The following RNLS variants were observed in gnomAD, a reference collection of about 807,000 sequenced individuals.
RNLS encodes the protein renalase, FAD dependent amine oxidase, also known as renalase.
Under a neutral mutation model 39.8 loss-of-function variants are expected in RNLS, and 39 were observed. That is an observed-to-expected ratio of 0.98 (90% CI 0.76 to 1.28). The LOEUF is 1.28. Ranked by LOEUF, RNLS falls within the 50% of genes most tolerant of loss-of-function variation. The probability of loss-of-function intolerance (pLI) is 0.00; values close to 1 mark genes in which losing one functional copy is unlikely to be tolerated. For synonymous variants in RNLS, 147 were observed against 150.7 expected, an observed-to-expected ratio of 0.98 and a Z score of 0.18; for missense variants, 410 against 413.3, an observed-to-expected ratio of 0.99 and a Z score of 0.07.
chr10:88,277,338 G>T (rs936715383), intron 6 of RNLS, among the ~76,000 whole-genome samples: 1 of 152,062 alleles, frequency 6.6e-6, no homozygotes, highest in Non-Finnish European at 1.5e-5. Context: ...GGAGGTGGGG[G>T]GTTGGGGGAG....
intron 4 of RNLS, among the ~76,000 whole-genome samples, chr10:88,463,220 G>A (rs917314741): frequency 6.6e-6 from 1 of 152,038 alleles, no homozygotes. Context: ...TCATACTAGA[G>A]TAAGGTGTGC....
At chr10:88,385,567 C>G (rs1350162339) in intron 4 of RNLS, among the ~76,000 whole-genome samples, 1 of 152,162 alleles carries the variant, frequency 6.6e-6, no homozygotes, top group Non-Finnish European at 1.5e-5. Context: ...GCAAAAGCAT[C>G]AAGGAAAAGG....
chr10:88,579,485 C>T (rs1013492220), intron 3 of RNLS, among the ~76,000 whole-genome samples: 7 of 152,062 alleles, frequency 4.6e-5, no homozygotes, highest in African/African-American at 1.7e-4. Context: ...GGGATGAATG[C>T]AAGGCCAGAG....
At chr10:88,567,862 C>A (rs1223082104) in intron 4 of RNLS, among the ~76,000 whole-genome samples, 2 of 152,132 alleles carry the variant, frequency 1.3e-5, no homozygotes, top group African/African-American at 2.4e-5. Context: ...ATATTTATTA[C>A]CAGTTTTCTT....
intron 4 of RNLS, among the ~76,000 whole-genome samples, chr10:88,431,665 G>A (rs746756035): frequency 3.3e-5 from 5 of 151,550 alleles, no homozygotes; most frequent in African/African-American, 1.2e-4. Flanking sequence ...ATTCTGATAC[G>A]TTGTATTTTC....
chr10:88,206,668 G>A, the RNLS span, among the ~76,000 whole-genome samples: 1 of 152,112 alleles, frequency 6.6e-6, no homozygotes, highest in Non-Finnish European at 1.5e-5. Flanking sequence ...GGTTGCTGCG[G>A]TAGATTGCTA....
chr10:88,196,193 G>A, the RNLS span, among the ~76,000 whole-genome samples: 254 of 125,038 alleles, frequency 2.0e-3, 1 homozygote, highest in African/African-American at 6.8e-3. Flanking sequence ...CTACAATTTC[G>A]TATACTTTGT....
At chr10:88,178,065 A>G in the RNLS span, among the ~76,000 whole-genome samples, 5 of 152,152 alleles carry the variant, frequency 3.3e-5, no homozygotes, top group African/African-American at 1.2e-4. Flanking sequence ...CTGGAAGGGC[A>G]CACATTGGCT....
chr10:88,444,871 A>G (rs1841945858), intron 4 of RNLS, among the ~76,000 whole-genome samples: 1 of 152,240 alleles, frequency 6.6e-6, no homozygotes. Context: ...TAACAGGGAG[A>G]ATGGAACCAA....
chr10:88,248,668 G>A, the RNLS span, among the ~76,000 whole-genome samples: 2 of 152,108 alleles, frequency 1.3e-5, no homozygotes, highest in Non-Finnish European at 1.5e-5. Context: ...GACAGAGGTG[G>A]GGTCAGCCCC....
chr10:88,538,458 A>G (rs1847886681), intron 4 of RNLS, among the ~76,000 whole-genome samples: 1 of 152,174 alleles, frequency 6.6e-6, no homozygotes, highest in Non-Finnish European at 1.5e-5. Context: ...ATCACCATTT[A>G]TCTCCCCTCA....
intron 4 of RNLS, among the ~76,000 whole-genome samples, chr10:88,526,743 G>T (rs1010475617): frequency 7.9e-5 from 12 of 151,576 alleles, no homozygotes; most frequent in African/African-American, 1.5e-4. Context: ...TCCAGTCTGG[G>T]TGACAGAGCA....
At chr10:88,333,404 G>A (rs1001132159) in intron 5 of RNLS, among the ~76,000 whole-genome samples, 2 of 152,146 alleles carry the variant, frequency 1.3e-5, no homozygotes, top group South Asian at 4.1e-4. Flanking sequence ...GGTAACTACT[G>A]TCAGTGGTTT....
intron 4 of RNLS, among the ~76,000 whole-genome samples, chr10:88,415,044 T>C (rs990562562): frequency 1.3e-5 from 2 of 152,172 alleles, no homozygotes; most frequent in African/African-American, 2.4e-5. Flanking sequence ...AGATACTGTA[T>C]GTGTGAGCTC....
At chr10:88,279,185 C>T (rs1040701830), downstream of RNLS, among the ~76,000 whole-genome samples, 1 of 152,106 alleles carries the variant, frequency 6.6e-6, no homozygotes, top group Non-Finnish European at 1.5e-5. Flanking sequence ...AGAGGCCTAC[C>T]TTAAGGTGGC....
intron 6 of RNLS, among the ~76,000 whole-genome samples, chr10:88,304,107 T>A (rs1844743071): frequency 6.6e-6 from 1 of 152,158 alleles, no homozygotes; most frequent in Non-Finnish European, 1.5e-5. Flanking sequence ...CTACAGTCTT[T>A]CAGAAATGAA....
chr10:88,564,439 G>T (rs1849377678), intron 4 of RNLS, among the ~76,000 whole-genome samples: 1 of 152,050 alleles, frequency 6.6e-6, no homozygotes, highest in Admixed American at 6.6e-5. Context: ...CAGAGGGTGG[G>T]GGGTGGAGAT....
chr10:88,235,966 A>G, the RNLS span, among the ~76,000 whole-genome samples: 1 of 151,926 alleles, frequency 6.6e-6, no homozygotes, highest in Admixed American at 6.6e-5. Context: ...CTTAATTAAC[A>G]TTTACTTAAA....
At chr10:88,233,104 C>T in the RNLS span, among the ~76,000 whole-genome samples, 1 of 152,190 alleles carries the variant, frequency 6.6e-6, no homozygotes, top group Admixed American at 6.5e-5. Context: ...CGTCTAAACC[C>T]CTTACTCTTT....
Sources: allele counts gnomAD v4.1 joint callset (sites outside exome capture counted in the v4.1 genomes callset), GRCh38; gene constraint gnomAD v4.1.1; transcripts MANE v1.5; gene names NCBI Gene and HGNC (gene_info 2026-07-23, HGNC 2026-07-21).